The following OR1L8 variants were observed in gnomAD, a reference collection of about 807,000 sequenced individuals.
OR1L8 encodes the protein olfactory receptor 1L8.
For missense variants in OR1L8, 330 were observed against 377.4 expected, an observed-to-expected ratio of 0.87 and a Z score of 1.04; for synonymous variants, 148 against 147.0, an observed-to-expected ratio of 1.01 and a Z score of -0.05.
At position 122,567,803 on chromosome 9, in the gene OR1L8, T is replaced by C; in HGVS notation, c.675A>G (p.Thr225=). Residue 225 remains threonine (T), a synonymous_variant, in exon 5 of 5, where the codon ACA becomes ACG. Coordinates refer to ENST00000641027, the MANE Select transcript of OR1L8 (RefSeq NM_001004454.2). The part of the protein sequence containing the change: ...IAFSYIRILT[T]VLKIPSTSGK... ...CAGAAGTAGAGGGAATCTTGAGAAC[T>C]GTAGTGAGGATTCGTATATAAGAGA... 1 of 1,614,030 alleles carries C rather than the reference T, an allele frequency of 6.2e-7. No homozygotes were observed. The highest frequency in any genetic ancestry group is 8.5e-7 in the Non-Finnish European group (1 of 1,179,966).
chr9:122,553,372 C>A, the OR1L8 span: 1 of 1,614,096 alleles, frequency 6.2e-7, no homozygotes, highest in South Asian at 1.1e-5. Context: ...GCCATCAGCT[C>A]TGACCCACAC....
chr9:122,562,466 A>T (rs1315669491), downstream of OR1L8, among the ~76,000 whole-genome samples: 2 of 152,244 alleles, frequency 1.3e-5, no homozygotes, highest in African/African-American at 4.8e-5. Flanking sequence ...CTCAAGTGGG[A>T]TCTTCTGATC....
At chr9:122,547,492 T>C in the OR1L8 span, among the ~76,000 whole-genome samples, 1 of 152,116 alleles carries the variant, frequency 6.6e-6, no homozygotes. Flanking sequence ...ATATGGTACA[T>C]TGTACTCATT....
At chr9:122,582,122 T>C (rs1342584990) in intron 1 of OR1L8, among the ~76,000 whole-genome samples, 1 of 152,170 alleles carries the variant, frequency 6.6e-6, no homozygotes, top group Non-Finnish European at 1.5e-5. Flanking sequence ...TTTTTGGAGA[T>C]AGCAAGAAAA....
chr9:122,553,917 G>C, the OR1L8 span: 9 of 1,613,782 alleles, frequency 5.6e-6, no homozygotes, highest in Admixed American at 1.3e-4. Context: ...ATCTCCTGGA[G>C]GGAGATGGAA....
At chr9:122,550,701 C>A in the OR1L8 span, among the ~76,000 whole-genome samples, 5 of 151,726 alleles carry the variant, frequency 3.3e-5, no homozygotes, top group South Asian at 8.3e-4. Flanking sequence ...ATTCCATATC[C>A]CTTCATGATA....
At chr9:122,553,976 T>C in the OR1L8 span, 3 of 1,613,700 alleles carry the variant, frequency 1.9e-6, no homozygotes, top group Non-Finnish European at 2.5e-6. Flanking sequence ...TGCTCTTCTA[T>C]GGGTCTCTTA....
At chr9:122,574,632 T>C (rs1316991274) in intron 3 of OR1L8, among the ~76,000 whole-genome samples, 1 of 152,132 alleles carries the variant, frequency 6.6e-6, no homozygotes, top group Admixed American at 6.5e-5. Context: ...AAATCATCTG[T>C]GAACAAAGAT....
At chr9:122,566,144 T>C (rs1450881171), downstream of OR1L8, among the ~76,000 whole-genome samples, 1 of 152,270 alleles carries the variant, frequency 6.6e-6, no homozygotes, top group East Asian at 1.9e-4. Flanking sequence ...GGACCTAGAA[T>C]GCTGCATCCT....
the OR1L8 span, among the ~76,000 whole-genome samples, chr9:122,555,343 C>G: frequency 1.1e-4 from 16 of 152,182 alleles, no homozygotes; most frequent in Non-Finnish European, 2.4e-4. Flanking sequence ...CCTTCTGTCC[C>G]TTCTCTTTGG....
chr9:122,573,043 C>T (rs1301400082), intron 3 of OR1L8, 135 bp from the exon 4 acceptor site: 2 of 152,288 alleles, frequency 1.3e-5, no homozygotes, highest in African/African-American at 4.8e-5. Flanking sequence ...CTGCACATCT[C>T]AGAAGGCAGG....
At chr9:122,553,074 C>CA in the OR1L8 span, 1 of 848,660 alleles carries the variant, frequency 1.2e-6, no homozygotes, top group South Asian at 1.8e-5. Flanking sequence ...TTCTTATTGG[C>CA]AAAGACCATT....
chr9:122,552,807 G>T, the OR1L8 span, among the ~76,000 whole-genome samples: 1 of 141,152 alleles, frequency 7.1e-6, no homozygotes, highest in African/African-American at 2.6e-5. Context: ...TTGGAGGAGG[G>T]GTAGGAGTTT....
At position 122,567,207 on chromosome 9, in the gene OR1L8, G is replaced by A. The variant is rs939924122; in HGVS notation, c.*341C>T. 1.0e-4 allele frequency: 19 copies of A among 187,806 alleles called. No individual in the cohort carries two copies. The highest frequency in any genetic ancestry group is 4.4e-4 in the African/African-American group (19 of 42,782). 11.6% of individuals were successfully genotyped at this position (187,806 alleles called of 1,614,324 possible). A position where few individuals can be genotyped will look rare whatever the true frequency, so the allele number is the denominator to read the frequency against. Reference sequence around the variant, plus strand: ...ACATTTTTCAGCAATATATTGAAATGTGAAGAATTTTGGAGGATCTGCCTT... The same window carrying A: ...ACATTTTTCAGCAATATATTGAAATATGAAGAATTTTGGAGGATCTGCCTT... On this transcript the variant is annotated 3_prime_UTR_variant, in exon 5 of 5. Transcript: ENST00000641027.
chr9:122,549,431 G>A, the OR1L8 span, among the ~76,000 whole-genome samples: 1 of 152,020 alleles, frequency 6.6e-6, no homozygotes, highest in Non-Finnish European at 1.5e-5. Context: ...CAATGCAAAT[G>A]GACTCACACA....
the OR1L8 span, chr9:122,554,228 T>C: frequency 8.1e-7 from 1 of 1,230,826 alleles, no homozygotes; most frequent in Non-Finnish European, 1.2e-6. Context: ...ACTTCAGTAA[T>C]TCTACTACTG....
intron 4 of OR1L8, among the ~76,000 whole-genome samples, chr9:122,569,124 TAG>T (rs1829493836): frequency 1.3e-5 from 2 of 151,986 alleles, no homozygotes; most frequent in Non-Finnish European, 2.9e-5. Flanking sequence ...ACGCAGTCAA[TAG>T]AGTGATTTTT....
intron 1 of OR1L8, among the ~76,000 whole-genome samples, chr9:122,581,834 C>T (rs1364904054): frequency 6.6e-6 from 1 of 152,094 alleles, no homozygotes; most frequent in African/African-American, 2.4e-5. Flanking sequence ...ATTGCTTGAA[C>T]CCAAAAGGTG....
the OR1L8 span, among the ~76,000 whole-genome samples, chr9:122,559,322 C>G: frequency 6.6e-6 from 1 of 150,884 alleles, no homozygotes; most frequent in Non-Finnish European, 1.5e-5. Context: ...TTTTATTTTA[C>G]TTTAAGTTCT....
Sources: allele counts gnomAD v4.1 joint callset (sites outside exome capture counted in the v4.1 genomes callset), GRCh38; gene constraint gnomAD v4.1.1; transcripts MANE v1.5; gene names NCBI Gene and HGNC (gene_info 2026-07-23, HGNC 2026-07-21).